Variants in SCARA5 observed in about 807,000 individuals in gnomAD.
SCARA5 encodes the protein scavenger receptor class A, member 5 (putative).
A neutral mutation model predicts 46.3 loss-of-function variants in SCARA5; 45 were observed. The observed-to-expected ratio is 0.97, with a 90% CI of 0.76 to 1.24. The LOEUF (loss-of-function observed/expected upper bound fraction) is 1.24. Ranked by LOEUF, SCARA5 falls within the 50% of genes most tolerant of loss-of-function variation. The pLI is 0.00. For missense variants in SCARA5, 680 were observed against 689.0 expected (o/e 0.99, Z 0.15); for synonymous variants, 333 against 306.5 (o/e 1.09, Z -0.90).
chr8:27,989,675 G>C lies in SCARA5; in HGVS notation c.-15-2045C>G, dbSNP rs1340399304. On this transcript the variant is annotated intron_variant, in intron 1 of 8. Transcript: ENST00000354914. ...CCAGCCTATGGGAGGGATGGAACAG[G>C]GGGTGGTCCTCGGCTCTGCCAGGAT... Among the ~76,000 whole-genome samples, 8 of 152,210 alleles carry C rather than the reference G, an allele frequency of 5.3e-5. No individual in the cohort carries two copies. In the South Asian group the frequency reaches 1.7e-3, roughly 32 times the overall value.
intron 4 of SCARA5, among the ~76,000 whole-genome samples, chr8:27,912,002 A>C (rs1284724382): frequency 2.6e-5 from 4 of 152,148 alleles, no homozygotes; most frequent in Non-Finnish European, 2.9e-5. Context: ...GCCAGCAAGC[A>C]CCAGCAGCTG....
intron 2 of SCARA5, among the ~76,000 whole-genome samples, chr8:27,984,604 TCATCCATCCATCCATG>T (rs1317740846): frequency 6.7e-6 from 1 of 149,308 alleles, no homozygotes; most frequent in Non-Finnish European, 1.5e-5. Flanking sequence ...ATCCATCCAT[TCATCCATCCATCCATG>T]CATCCATCCA....
In SCARA5 at chr8:27,920,944, C is replaced by T. The variant is rs143189484; in HGVS notation, c.916+627G>A. On this transcript the variant is annotated intron_variant, in intron 4 of 8. Transcript: ENST00000354914. Reference sequence around the variant, plus strand: ...TGAGCTGAGATCAAGCCACTACACTCCAGCCTGGGCTACAGAGCGAGACTC... The same window carrying T: ...TGAGCTGAGATCAAGCCACTACACTTCAGCCTGGGCTACAGAGCGAGACTC... Among the ~76,000 whole-genome samples the T allele has an allele frequency of 6.8e-3, 1,029 of 152,324 alleles. 13 individuals carry two copies. Among genetic ancestry groups the T allele is most frequent in the African/African-American group, 0.024 (987 of 41,564 alleles).
chr8:27,948,225 G>T (rs957315587), intron 3 of SCARA5, among the ~76,000 whole-genome samples: 2 of 152,170 alleles, frequency 1.3e-5, no homozygotes, highest in African/African-American at 4.8e-5. Context: ...ATTTGGCCTC[G>T]GGCTGGGTTG....
Position 27,948,520 on chromosome 8 carries a change from G to A in SCARA5, c.241+17894C>T, listed in dbSNP as rs1012848694. On this transcript the variant is annotated intron_variant, in intron 3 of 8. Transcript: ENST00000354914. The stretch of plus-strand genomic sequence containing the variant: ...GCCGTTCCACCGGCAGGTCAGGACC[G>A]CCAGGCCAGCCTTTCTGTCCACTGG... 3.3e-5 allele frequency among the ~76,000 whole-genome samples: 5 copies of A among 152,208 alleles called. No individual in the cohort carries two copies. In the East Asian group the frequency reaches 9.6e-4, roughly 29 times the overall value.
At chr8:27,968,182 A>G (rs1479051423) in intron 2 of SCARA5, among the ~76,000 whole-genome samples, 8 of 152,220 alleles carry the variant, frequency 5.3e-5, no homozygotes, top group African/African-American at 1.9e-4. Flanking sequence ...TACGATCCAC[A>G]CTGCCCTGGT....
intron 2 of SCARA5, among the ~76,000 whole-genome samples, chr8:27,984,833 A>C (rs1451520332): frequency 1.3e-5 from 2 of 151,890 alleles, no homozygotes; most frequent in Non-Finnish European, 2.9e-5. Context: ...TCATCTATCC[A>C]TCTATTCATC....
chr8:27,889,682 T>C (rs1563513748), intron 7 of SCARA5, among the ~76,000 whole-genome samples: 3 of 152,262 alleles, frequency 2.0e-5, no homozygotes, highest in Non-Finnish European at 2.9e-5. Flanking sequence ...ACCCTGGAAC[T>C]GCAATGCTTC....
At chr8:27,989,150 TTTTGAG>T (rs1249169023) in intron 1 of SCARA5, among the ~76,000 whole-genome samples, 1 of 141,626 alleles carries the variant, frequency 7.1e-6, no homozygotes, top group African/African-American at 2.8e-5. Context: ...TTTTTTTTTT[TTTTGAG>T]ACAGGGTCTC....
chr8:27,921,917 C>A lies in SCARA5; in HGVS notation c.570G>T (p.Val190=). The A allele has an allele frequency of 6.5e-7, 1 of 1,530,094 alleles. No homozygotes were observed. The highest frequency in any genetic ancestry group is 2.0e-5 in the Admixed American group (1 of 50,674). 94.8% of individuals were successfully genotyped at this position (1,530,094 alleles called of 1,614,324 possible). The change falls in exon 4 of 9, where the codon GTG becomes GTT. Residue 190 remains valine (V), a synonymous_variant. Transcript: ENST00000354914. ...GCAGCAGCTGGCTACTGTTGCTCTC[C>A]ACCTGCAGCTGGTAGAGCTCCAGCT... ...TAQLELYQLQ[V]ESNSSQLLLR...
At chr8:27,891,292 A>C (rs1806978263) in intron 7 of SCARA5, among the ~76,000 whole-genome samples, 1 of 149,472 alleles carries the variant, frequency 6.7e-6, no homozygotes, top group Admixed American at 6.8e-5. Flanking sequence ...TGCAACCTTC[A>C]CCTCCAGAGT....
chr8:27,981,615 C>T (rs11786928), intron 2 of SCARA5, among the ~76,000 whole-genome samples: 32,883 of 152,220 alleles, frequency 0.22, 4,368 homozygotes, highest in Middle Eastern at 0.38. Context: ...TCTGAGTTCA[C>T]GCATGCAAGG....
intron 8 of SCARA5, among the ~76,000 whole-genome samples, chr8:27,875,594 A>G (rs755981063): frequency 1.3e-5 from 2 of 152,042 alleles, no homozygotes; most frequent in Non-Finnish European, 2.9e-5. Context: ...GGGACATGAA[A>G]CACACCATCT....
chr8:27,961,109 G>C (rs953204161), intron 3 of SCARA5, among the ~76,000 whole-genome samples: 5 of 152,216 alleles, frequency 3.3e-5, no homozygotes, highest in Non-Finnish European at 5.9e-5. Context: ...GAAAAAGTAA[G>C]AGTGACGATG....
At chr8:27,924,811 G>C (rs554823787) in intron 3 of SCARA5, among the ~76,000 whole-genome samples, 6 of 152,114 alleles carry the variant, frequency 3.9e-5, no homozygotes, top group African/African-American at 1.4e-4. Context: ...AAATCAATGC[G>C]CAAAAATCAC....
intron 3 of SCARA5, among the ~76,000 whole-genome samples, chr8:27,939,069 T>C (rs532922123): frequency 2.0e-5 from 3 of 152,342 alleles, no homozygotes; most frequent in African/African-American, 4.8e-5. Flanking sequence ...CTTTATACCA[T>C]ACACAGAATA....
At chr8:27,942,755 T>C (rs1200275597) in intron 3 of SCARA5, among the ~76,000 whole-genome samples, 2 of 151,810 alleles carry the variant, frequency 1.3e-5, no homozygotes, top group Non-Finnish European at 2.9e-5. Context: ...GTTGGAGGGC[T>C]GGAAAAAAAA....
At position 27,892,606 on chromosome 8, in the gene SCARA5, C is replaced by CTTTTTT. The variant is rs1230257718; in HGVS notation, c.1153+12166_1153+12171dup. Among the ~76,000 whole-genome samples, 46 of 127,024 alleles carry CTTTTTT rather than the reference C, an allele frequency of 3.6e-4. 1 individual carries two copies. Among genetic ancestry groups the CTTTTTT allele is most frequent in the Non-Finnish European group, 5.4e-4 (34 of 63,512 alleles). The allele number at this position is 127,024 out of a possible 152,430, so 83.3% of individuals were successfully genotyped here. ...AGAAGTGACCTCTCCATACCTCACC[C>CTTTTTT]TTTTTTTTTTTTTTTTTTTTTGAGA... On this transcript the variant is annotated intron_variant, in intron 7 of 8. Transcript: ENST00000354914.
At chr8:27,940,281 A>T (rs1807922527) in intron 3 of SCARA5, among the ~76,000 whole-genome samples, 1 of 152,148 alleles carries the variant, frequency 6.6e-6, no homozygotes, top group African/African-American at 2.4e-5. Context: ...CTTGCCAGGA[A>T]TCTAGGCCTT....
Sources: allele counts gnomAD v4.1 joint callset (sites outside exome capture counted in the v4.1 genomes callset), GRCh38; gene constraint gnomAD v4.1.1; transcripts MANE v1.5; gene names NCBI Gene and HGNC (gene_info 2026-07-23, HGNC 2026-07-21).